The following CTNNA3 variants were observed in gnomAD, a reference collection of about 807,000 sequenced individuals.
The protein encoded by CTNNA3 is catenin alpha 3.
In CTNNA3, 76 loss-of-function variants were observed where a neutral mutation model predicts 95.7. That is an observed-to-expected ratio of 0.79 (90% CI 0.66 to 0.96). CTNNA3 has a LOEUF of 0.96. CTNNA3 is among the 40% of genes least tolerant of loss of function. CTNNA3 has a pLI of 0.00. For synonymous variants in CTNNA3, 431 were observed against 374.4 expected (o/e 1.15, Z -1.74); for missense variants, 1,191 against 1,089.8 (o/e 1.09, Z -1.31).
rs531433428 is a variant in CTNNA3 at position 67,337,471 on chromosome 10, A to T, written c.580-117601T>A. Among the ~76,000 whole-genome samples the T allele has an allele frequency of 1.2e-3, 176 of 152,346 alleles. 1 individual carries two copies. Among genetic ancestry groups the T allele is most frequent in the African/African-American group, 4.1e-3 (170 of 41,584 alleles). On this transcript the variant is annotated intron_variant, in intron 5 of 17. Coordinates refer to ENST00000433211, the MANE Select transcript of CTNNA3 (RefSeq NM_013266.4). ...TACTCCTGGTGAAGATGCAGTGAAC[A>T]CTGTTTAAATGACAACAAAGGATTT...
At chr10:66,603,044 C>T (rs1461656770) in intron 10 of CTNNA3, among the ~76,000 whole-genome samples, 2 of 152,060 alleles carry the variant, frequency 1.3e-5, no homozygotes, top group African/African-American at 2.4e-5. Flanking sequence ...GTCTACGATG[C>T]CCACTTTTGC....
chr10:67,178,207 T>C (rs1333152479), intron 7 of CTNNA3, among the ~76,000 whole-genome samples: 4 of 152,094 alleles, frequency 2.6e-5, no homozygotes. Context: ...GTCAGGGTCA[T>C]TTGGTGGGGC....
At chr10:66,972,337 T>A (rs906697668) in intron 7 of CTNNA3, among the ~76,000 whole-genome samples, 2 of 152,144 alleles carry the variant, frequency 1.3e-5, no homozygotes, top group African/African-American at 4.8e-5. Flanking sequence ...TACATTTTTT[T>A]AGAGATGAAA....
intron 9 of CTNNA3, among the ~76,000 whole-genome samples, chr10:66,663,697 C>T (rs1846342141): frequency 6.6e-6 from 1 of 152,106 alleles, no homozygotes; most frequent in Admixed American, 6.6e-5. Context: ...ATCACTGAAT[C>T]AATCAGAACA....
chr10:67,448,590 C>T (rs987726400), intron 5 of CTNNA3, among the ~76,000 whole-genome samples: 5 of 151,680 alleles, frequency 3.3e-5, no homozygotes, highest in Admixed American at 6.6e-5. Flanking sequence ...ATTTAATAAA[C>T]GCTTTTGGGA....
In CTNNA3 at chr10:65,915,877, G is replaced by T. The variant is rs907996358; in HGVS notation, c.*4453C>A. ...TGAATTGGTTAAAAATGCCAAAAAG[G>T]TATTTAAAATTTTACTTCTTCTCTT... On this transcript the variant is annotated 3_prime_UTR_variant, in exon 18 of 18. Transcript: ENST00000433211. 3.9e-5 allele frequency: 6 copies of T among 152,090 alleles called. No individual in the cohort carries two copies. The highest frequency in any genetic ancestry group is 1.2e-4 in the African/African-American group (5 of 41,406). The allele number at this position is 152,090 out of a possible 1,614,324, so 9.4% of individuals were successfully genotyped here. A position where few individuals can be genotyped will look rare whatever the true frequency, so the allele number is the denominator to read the frequency against.
rs1311648319 is a variant in CTNNA3, at chr10:66,831,863, T to C, written c.1048-56339A>G. ...TTCAGGGATGAGATATTCTGATTAATTCATTCAATTTAAGACATAGTTCAA... is the reference window on the plus strand; with the variant it reads ...TTCAGGGATGAGATATTCTGATTAACTCATTCAATTTAAGACATAGTTCAA... On this transcript the variant is annotated intron_variant, in intron 7 of 17. Transcript: ENST00000433211. 2.0e-5 allele frequency among the ~76,000 whole-genome samples: 3 copies of C among 152,206 alleles called. No individual in the cohort carries two copies. In the East Asian group the frequency reaches 5.8e-4, roughly 29 times the overall value.
chr10:66,313,596 C>T (rs75844265), intron 12 of CTNNA3, among the ~76,000 whole-genome samples: 4,599 of 152,238 alleles, frequency 0.03, 199 homozygotes, highest in African/African-American at 0.1. Context: ...GAGAGGCCTT[C>T]TCTGACCACG....
intron 7 of CTNNA3, among the ~76,000 whole-genome samples, chr10:66,931,220 T>C (rs2132639963): frequency 7.2e-6 from 1 of 138,256 alleles, no homozygotes; most frequent in East Asian, 2.2e-4. Context: ...AAGCCTGACC[T>C]GTTGAACTAT....
intron 5 of CTNNA3, among the ~76,000 whole-genome samples, chr10:67,408,234 A>G (rs912844623): frequency 1.3e-5 from 2 of 152,228 alleles, no homozygotes; most frequent in African/African-American, 4.8e-5. Context: ...GAAATAGAAT[A>G]AAATATTTTA....
intron 7 of CTNNA3, among the ~76,000 whole-genome samples, chr10:67,093,458 T>C (rs1395134080): frequency 6.6e-6 from 1 of 151,804 alleles, no homozygotes; most frequent in East Asian, 1.9e-4. Context: ...GAGAGGTTAC[T>C]GTGAAAAAAA....
At chr10:66,793,458 C>A (rs1476242483) in intron 7 of CTNNA3, among the ~76,000 whole-genome samples, 1 of 152,058 alleles carries the variant, frequency 6.6e-6, no homozygotes, top group African/African-American at 2.4e-5. Context: ...GAAATTCCTA[C>A]CATGAAACTG....
chr10:66,027,114 CA>C (rs1376591609), intron 15 of CTNNA3, among the ~76,000 whole-genome samples: 1 of 151,882 alleles, frequency 6.6e-6, no homozygotes, highest in East Asian at 1.9e-4. Flanking sequence ...AAAATAATTG[CA>C]ATGTGAAAAA....
intron 13 of CTNNA3, among the ~76,000 whole-genome samples, chr10:66,136,177 C>T (rs897422493): frequency 6.6e-6 from 1 of 152,194 alleles, no homozygotes; most frequent in Non-Finnish European, 1.5e-5. Context: ...GCTGGGATTA[C>T]AGGCGTGAGC....
chr10:67,298,626 G>A (rs555642652), intron 5 of CTNNA3, among the ~76,000 whole-genome samples: 6 of 152,324 alleles, frequency 3.9e-5, no homozygotes, highest in African/African-American at 1.4e-4. Flanking sequence ...GATTATGAGT[G>A]ATCAGCTAGG....
chr10:67,121,302 T>C (rs1402819189), intron 7 of CTNNA3, among the ~76,000 whole-genome samples: 1 of 151,948 alleles, frequency 6.6e-6, no homozygotes, highest in African/African-American at 2.4e-5. Flanking sequence ...GTAAGAAGTT[T>C]ATGGAAATGA....
chr10:67,378,210 T>C (rs1843769720), intron 5 of CTNNA3, among the ~76,000 whole-genome samples: 1 of 152,196 alleles, frequency 6.6e-6, no homozygotes, highest in Admixed American at 6.5e-5. Context: ...ACACTTAATA[T>C]AACAAAAGAT....
chr10:66,426,713 T>A (rs2093244855), intron 11 of CTNNA3, among the ~76,000 whole-genome samples: 1 of 151,918 alleles, frequency 6.6e-6, no homozygotes, highest in African/African-American at 2.4e-5. Flanking sequence ...CAGTTAAGGA[T>A]TGTGTTTATT....
intron 7 of CTNNA3, among the ~76,000 whole-genome samples, chr10:66,797,366 C>T (rs1841243567): frequency 6.7e-6 from 1 of 148,416 alleles, no homozygotes; most frequent in African/African-American, 2.5e-5. Flanking sequence ...CTAGCAGCCC[C>T]ACAAGATAGA....
Sources: gnomAD v4.1 joint callset for allele counts (sites outside exome capture counted in the v4.1 genomes callset) on GRCh38, gnomAD v4.1.1 for gene constraint, MANE v1.5 for transcripts, NCBI Gene and HGNC (gene_info 2026-07-23, HGNC 2026-07-21) for gene names.